MARCHF1: variants seen among roughly 807,000 people sequenced by gnomAD.
MARCHF1 encodes the protein E3 ubiquitin-protein ligase MARCHF1.
A neutral mutation model predicts 54.2 loss-of-function variants in MARCHF1; 40 were observed. The observed-to-expected ratio is 0.74, with a 90% CI of 0.57 to 0.96. The LOEUF (loss-of-function observed/expected upper bound fraction) is 0.96, where lower values mean the gene tolerates loss of function less well. Among genes scored for constraint, MARCHF1 ranks in the 40% least tolerant of loss-of-function variants. The pLI, the probability that MARCHF1 is intolerant of heterozygous loss-of-function variation, is 0.00. For missense variants in MARCHF1, 586 were observed against 656.5 expected, an observed-to-expected ratio of 0.89 and a Z score of 1.17; for synonymous variants, 236 against 236.3, an observed-to-expected ratio of 1.00 and a Z score of 0.01.
Position 163,873,638 on chromosome 4 carries a change from G to A in MARCHF1, c.-38-19469C>T, listed in dbSNP as rs912871602. 2.8e-4 allele frequency among the ~76,000 whole-genome samples: 42 copies of A among 152,222 alleles called. 1 individual carries two copies. The highest frequency in any genetic ancestry group is 9.9e-4 in the African/African-American group (41 of 41,518). On this transcript the variant is annotated intron_variant, in intron 3 of 9. Transcript: ENST00000514618. ...TTGGTTACACAATCAAGAAGTGTGTGGAGATTAATGCCCAGTGTGGAAAAC... is the reference window on the plus strand; with the variant it reads ...TTGGTTACACAATCAAGAAGTGTGTAGAGATTAATGCCCAGTGTGGAAAAC...
chr4:163,724,593 C>T (rs1745592374), intron 4 of MARCHF1, among the ~76,000 whole-genome samples: 1 of 152,192 alleles, frequency 6.6e-6, no homozygotes, highest in Non-Finnish European at 1.5e-5. Context: ...TTTGGCTATG[C>T]CCTGCCCCTA....
chr4:163,571,008 C>T (rs558882223), intron 8 of MARCHF1, among the ~76,000 whole-genome samples: 11 of 152,180 alleles, frequency 7.2e-5, no homozygotes, highest in Non-Finnish European at 5.9e-5. Context: ...AGTAATTTTC[C>T]TCATCCAATT....
At chr4:164,169,812 TCTTTA>T (rs1390068899) in intron 1 of MARCHF1, among the ~76,000 whole-genome samples, 1 of 152,104 alleles carries the variant, frequency 6.6e-6, no homozygotes, top group Non-Finnish European at 1.5e-5. Flanking sequence ...ATGGTTAACA[TCTTTA>T]CTTGAGAGAA....
chr4:163,734,555 G>A (rs56114969), intron 4 of MARCHF1, among the ~76,000 whole-genome samples: 66,829 of 147,184 alleles, frequency 0.45, 15,289 homozygotes, highest in Admixed American at 0.5. Context: ...ACCAAAAAAA[G>A]AAAAAAAAGC....
At chr4:163,628,544 C>A (rs1403757731) in intron 5 of MARCHF1, among the ~76,000 whole-genome samples, 2 of 152,124 alleles carry the variant, frequency 1.3e-5, no homozygotes. Flanking sequence ...GAAGCTCTGG[C>A]CATGGCCATC....
chr4:163,986,668 G>T (rs1752877576), intron 3 of MARCHF1, among the ~76,000 whole-genome samples: 1 of 152,008 alleles, frequency 6.6e-6, no homozygotes, highest in African/African-American at 2.4e-5. Context: ...AATAATTCAA[G>T]ATATTTGTGA....
chr4:164,176,638 C>T (rs188322414), intron 1 of MARCHF1, among the ~76,000 whole-genome samples: 315 of 152,086 alleles, frequency 2.1e-3, no homozygotes, highest in African/African-American at 7.4e-3. Flanking sequence ...ATTTGGGAAT[C>T]TAAGATGCAG....
chr4:164,149,759 C>T (rs528306178), intron 1 of MARCHF1, among the ~76,000 whole-genome samples: 97 of 152,204 alleles, frequency 6.4e-4, no homozygotes, highest in South Asian at 4.4e-3. Context: ...CTAGAGCATA[C>T]ATTTTGGATG....
chr4:163,594,747 T>G (rs1438960943), intron 7 of MARCHF1, among the ~76,000 whole-genome samples: 1 of 119,912 alleles, frequency 8.3e-6, no homozygotes, highest in Non-Finnish European at 1.7e-5. Context: ...GAATGGCTAT[T>G]ATCAAAACAC....
At chr4:164,012,537 G>A (rs540496002) in intron 2 of MARCHF1, among the ~76,000 whole-genome samples, 24 of 152,242 alleles carry the variant, frequency 1.6e-4, no homozygotes, top group African/African-American at 5.5e-4. Context: ...AGCAGCAGCA[G>A]CAGCAGCCAG....
intron 3 of MARCHF1, among the ~76,000 whole-genome samples, chr4:163,870,254 C>A (rs557925053): frequency 4.6e-4 from 70 of 152,176 alleles, no homozygotes; most frequent in Non-Finnish European, 7.1e-4. Context: ...TTTAAAGTGT[C>A]TAATTGCTCT....
At chr4:163,780,924 T>C (rs990799951) in intron 4 of MARCHF1, among the ~76,000 whole-genome samples, 12 of 152,190 alleles carry the variant, frequency 7.9e-5, no homozygotes, top group Admixed American at 2.6e-4. Flanking sequence ...TGACTGAAGT[T>C]AAGTGAGTAA....
rs1222945123 is a variant in MARCHF1 at position 164,242,329 on chromosome 4, C to T, written c.-322-130667G>A. On this transcript the variant is annotated intron_variant, in intron 1 of 9. Coordinates refer to ENST00000514618, the MANE Select transcript of MARCHF1 (RefSeq NM_001394959.1). ...AAGTGGGTCCCTGACCCCTGACCCC[C>T]GAGCAGCCTAACTGGGAGGCAACCC... 2.1e-4 allele frequency among the ~76,000 whole-genome samples: 31 copies of T among 145,936 alleles called. No individual in the cohort carries two copies. In the East Asian group the frequency reaches 2.4e-3, roughly 11 times the overall value.
At chr4:164,267,062 A>G (rs1733628292) in intron 1 of MARCHF1, among the ~76,000 whole-genome samples, 1 of 152,204 alleles carries the variant, frequency 6.6e-6, no homozygotes, top group African/African-American at 2.4e-5. Context: ...AGACAGACAC[A>G]AATACCTAAC....
At chr4:164,219,410 T>G (rs1732027358) in intron 1 of MARCHF1, among the ~76,000 whole-genome samples, 1 of 152,152 alleles carries the variant, frequency 6.6e-6, no homozygotes, top group Non-Finnish European at 1.5e-5. Flanking sequence ...TCAAATGAAC[T>G]TTTCTTCAAA....
At chr4:163,890,996 T>C (rs1165040683) in intron 3 of MARCHF1, among the ~76,000 whole-genome samples, 1 of 152,112 alleles carries the variant, frequency 6.6e-6, no homozygotes. Context: ...GTTATTCATA[T>C]TCATTTTATT....
chr4:163,845,208 A>C (rs1240459579), intron 4 of MARCHF1, among the ~76,000 whole-genome samples: 1 of 152,066 alleles, frequency 6.6e-6, no homozygotes, highest in Non-Finnish European at 1.5e-5. Flanking sequence ...GAGAACTATA[A>C]TTTATTTATT....
chr4:164,227,090 C>A (rs1009700865), intron 1 of MARCHF1, among the ~76,000 whole-genome samples: 3 of 151,932 alleles, frequency 2.0e-5, no homozygotes, highest in African/African-American at 7.3e-5. Flanking sequence ...TTGAATTAGT[C>A]TAGTTTCACA....
chr4:163,924,367 A>G (rs1342826618), intron 3 of MARCHF1, among the ~76,000 whole-genome samples: 2 of 152,064 alleles, frequency 1.3e-5, no homozygotes, highest in Admixed American at 6.6e-5. Flanking sequence ...AGCTAAGGAA[A>G]AGAGGCAGAC....
Sources: allele counts gnomAD v4.1 joint callset (sites outside exome capture counted in the v4.1 genomes callset), GRCh38; gene constraint gnomAD v4.1.1; transcripts MANE v1.5; gene names NCBI Gene and HGNC (gene_info 2026-07-23, HGNC 2026-07-21).